The following OR7C1 variants were observed in gnomAD, a reference collection of about 807,000 sequenced individuals.
OR7C1 encodes olfactory receptor 7C1.
For missense variants in OR7C1, 324 were observed against 383.3 expected, an observed-to-expected ratio of 0.85 and a Z score of 1.29; for synonymous variants, 152 against 160.7, an observed-to-expected ratio of 0.95 and a Z score of 0.41.
chr19:14,827,099 G>T, intron 1 of OR7C1: 1 of 506,808 alleles, frequency 2.0e-6, no homozygotes, highest in Non-Finnish European at 3.2e-6. Context: ...AGAAAAAACT[G>T]TTGGATATCA....
intron 1 of OR7C1, among the ~76,000 whole-genome samples, chr19:14,814,636 G>T (rs1423121859): frequency 6.6e-6 from 1 of 152,064 alleles, no homozygotes. Flanking sequence ...TGCTGGCCAG[G>T]CTGGTCTCGA....
exon 4 of OR7C1, chr19:14,800,361 T>C: frequency 2.1e-6 from 1 of 487,770 alleles, no homozygotes; most frequent in Non-Finnish European, 3.5e-6. Context: ...ACTTGTACCC[T>C]CTATAGCCTG....
exon 5 of OR7C1, chr19:14,799,050 T>C (rs1260206619): frequency 1.6e-6 from 2 of 1,262,520 alleles, no homozygotes; most frequent in East Asian, 4.9e-5. Context: ...AATAATTTCT[T>C]TCTAGCTCCT....
intron 1 of OR7C1, among the ~76,000 whole-genome samples, chr19:14,812,161 A>G (rs773592297): frequency 6.6e-6 from 1 of 152,188 alleles, no homozygotes; most frequent in Non-Finnish European, 1.5e-5. Flanking sequence ...CAGAGACTTT[A>G]CTGCTCAGCA....
chr19:14,809,469 A>G (rs2044680967), intron 2 of OR7C1, among the ~76,000 whole-genome samples: 2 of 151,958 alleles, frequency 1.3e-5, no homozygotes, highest in Admixed American at 1.3e-4. Flanking sequence ...AAACAGATTG[A>G]AAGCAAGAAG....
intron 1 of OR7C1, among the ~76,000 whole-genome samples, chr19:14,832,231 C>A (rs2044840354): frequency 6.6e-6 from 1 of 152,008 alleles, no homozygotes; most frequent in Admixed American, 6.6e-5. Flanking sequence ...TTATTTTACA[C>A]TAAGAAATAT....
At chr19:14,798,996 G>T (rs1328376387) in exon 5 of OR7C1, 1 of 649,524 alleles carries the variant, frequency 1.5e-6, no homozygotes, top group Admixed American at 3.8e-5. Flanking sequence ...TTTTGTTAAC[G>T]GGGAAACCTT....
chr19:14,823,296 T>TA (rs111639233), intron 1 of OR7C1, among the ~76,000 whole-genome samples: 72,808 of 151,368 alleles, frequency 0.48, 18,441 homozygotes, highest in East Asian at 0.7. Context: ...CTACTAAAAA[T>TA]AAAAAATTAG....
intron 2 of OR7C1, among the ~76,000 whole-genome samples, 154 bp downstream of exon 2, chr19:14,809,652 C>T (rs965043527): frequency 2.6e-5 from 4 of 151,812 alleles, no homozygotes; most frequent in Non-Finnish European, 4.4e-5. Flanking sequence ...GAGAGAGGAC[C>T]GGCTGCAAGA....
intron 2 of OR7C1, among the ~76,000 whole-genome samples, chr19:14,805,233 A>C (rs2044660656): frequency 6.6e-6 from 1 of 151,470 alleles, no homozygotes; most frequent in African/African-American, 2.4e-5. Context: ...CTGCAAAAAA[A>C]AATCTGAGAG....
At chr19:14,812,663 C>G (rs1258741979) in intron 1 of OR7C1, among the ~76,000 whole-genome samples, 8 of 151,888 alleles carry the variant, frequency 5.3e-5, no homozygotes, top group African/African-American at 1.9e-4. Flanking sequence ...TAAAGCCACT[C>G]CCTTCACTAT....
intron 1 of OR7C1, among the ~76,000 whole-genome samples, chr19:14,822,534 G>A (rs774470389): frequency 6.6e-6 from 1 of 151,844 alleles, no homozygotes; most frequent in East Asian, 1.9e-4. Flanking sequence ...ACAGGTGCCC[G>A]CCACTGCGCC....
intron 1 of OR7C1, among the ~76,000 whole-genome samples, chr19:14,813,115 C>T (rs1004608290): frequency 5.2e-4 from 78 of 148,614 alleles, no homozygotes; most frequent in Middle Eastern, 3.2e-3. Context: ...AACCAGAAAA[C>T]ATTTACAAGA....
chr19:14,834,076 G>A (rs1421811324), intron 1 of OR7C1, among the ~76,000 whole-genome samples: 2 of 134,776 alleles, frequency 1.5e-5, no homozygotes, highest in African/African-American at 2.7e-5. Flanking sequence ...CCTGGACAAC[G>A]TGGTGAAACT....
intron 1 of OR7C1, among the ~76,000 whole-genome samples, chr19:14,813,058 G>A (rs4340434): frequency 0.18 from 25,897 of 140,452 alleles, 2,701 homozygotes; most frequent in African/African-American, 0.3. Context: ...GGGCGACACA[G>A]CAAGATTCCA....
chr19:14,821,067 G>A (rs896245361), intron 1 of OR7C1, among the ~76,000 whole-genome samples: 5 of 152,080 alleles, frequency 3.3e-5, no homozygotes, highest in Non-Finnish European at 5.9e-5. Flanking sequence ...GTGAAACCCT[G>A]TCTCTACTAA....
rs368933760 is a variant in OR7C1 at position 14,813,554 on chromosome 19, C to CA, written c.-622-3562dup. Among the ~76,000 whole-genome samples, 1,359 of 151,300 alleles carry CA rather than the reference C, an allele frequency of 9.0e-3. 21 individuals carry two copies. Among genetic ancestry groups the CA allele is most frequent in the African/African-American group, 0.031 (1,274 of 41,258 alleles). On this transcript the variant is annotated intron_variant, in intron 1 of 4. Transcript: ENST00000641666. ...CCAGCGACAGAGTGAGACTCCGTAT[C>CA]AAAAAAAAGATACTACCCGATACTG...
chr19:14,815,659 C>T (rs1032399376), intron 1 of OR7C1, among the ~76,000 whole-genome samples: 1 of 152,020 alleles, frequency 6.6e-6, no homozygotes, highest in Admixed American at 6.6e-5. Context: ...ACATGTTTCC[C>T]TTAGTTTAGA....
At chr19:14,828,037 C>A (rs2145078092) in intron 1 of OR7C1, 1 of 1,614,058 alleles carries the variant, frequency 6.2e-7, no homozygotes, top group South Asian at 1.1e-5. Context: ...CAAATGTCAG[C>A]AAAGGACAGG....
Sources: allele counts gnomAD v4.1 joint callset (sites outside exome capture counted in the v4.1 genomes callset), GRCh38; gene constraint gnomAD v4.1.1; transcripts MANE v1.5; gene names NCBI Gene and HGNC (gene_info 2026-07-23, HGNC 2026-07-21).